PDE4D: variants seen among roughly 807,000 people sequenced by gnomAD.
The protein encoded by PDE4D is 3',5'-cyclic-AMP phosphodiesterase 4D.
In PDE4D, 24 loss-of-function variants were observed where a neutral mutation model predicts 87.4. The observed-to-expected ratio is 0.27, with a 90% CI of 0.20 to 0.39. PDE4D has a LOEUF of 0.39. Among genes scored for constraint, PDE4D ranks in the 10% least tolerant of loss-of-function variants. PDE4D has a pLI of 1.00. For missense variants in PDE4D, 714 were observed against 1,041.0 expected, an observed-to-expected ratio of 0.69 and a Z score of 4.32; for synonymous variants, 384 against 383.2, an observed-to-expected ratio of 1.00 and a Z score of -0.02.
chr5:59,762,205 CGT>C (rs1762065493), intron 1 of PDE4D, among the ~76,000 whole-genome samples: 1 of 115,074 alleles, frequency 8.7e-6, no homozygotes, highest in Non-Finnish European at 1.9e-5. Flanking sequence ...TACACATATG[CGT>C]ATATGTGTAT....
chr5:59,040,202 C>G (rs1412240525), intron 5 of PDE4D: 1 of 152,202 alleles, frequency 6.6e-6, no homozygotes, highest in Non-Finnish European at 1.5e-5. Context: ...CTTTTTCTAC[C>G]CAGCCCAGTC....
intron 1 of PDE4D, among the ~76,000 whole-genome samples, chr5:59,533,694 G>A (rs1426922676): frequency 6.6e-6 from 1 of 152,152 alleles, no homozygotes; most frequent in Non-Finnish European, 1.5e-5. Flanking sequence ...GTCACTTGGG[G>A]TCTTATTAGA....
chr5:59,761,488 T>C (rs1761960435), intron 1 of PDE4D, among the ~76,000 whole-genome samples: 1 of 152,172 alleles, frequency 6.6e-6, no homozygotes. Context: ...ACACTAACAT[T>C]ATACAGCTGC....
intron 1 of PDE4D, among the ~76,000 whole-genome samples, chr5:60,324,384 G>T (rs1387771222): frequency 6.6e-6 from 1 of 152,080 alleles, no homozygotes; most frequent in African/African-American, 2.4e-5. Flanking sequence ...TTATCCATAG[G>T]ACCCAGCACA....
intron 1 of PDE4D, among the ~76,000 whole-genome samples, chr5:60,418,138 T>C (rs954866645): frequency 6.6e-6 from 1 of 151,972 alleles, no homozygotes; most frequent in African/African-American, 2.4e-5. Context: ...CAAATATCTT[T>C]AGCTCCTCAA....
At chr5:59,352,866 G>A (rs1780744836) in intron 1 of PDE4D, among the ~76,000 whole-genome samples, 1 of 152,110 alleles carries the variant, frequency 6.6e-6, no homozygotes, top group African/African-American at 2.4e-5. Context: ...ATGCACATAT[G>A]TATTTAATTA....
At position 59,434,427 on chromosome 5, in the gene PDE4D, G is replaced by A. The variant is rs569673523; in HGVS notation, c.456-218459C>T. On this transcript the variant is annotated intron_variant, in intron 1 of 14. Coordinates refer to ENST00000340635, the MANE Select transcript of PDE4D (RefSeq NM_001104631.2). ...GACTCCTTCCCTCCCCAACCCTCGT[G>A]TTTTCTGCTCATACCTGGACTGGAG... 8.5e-5 allele frequency among the ~76,000 whole-genome samples: 13 copies of A among 152,076 alleles called. No individual in the cohort carries two copies. The South Asian group carries it at 2.7e-3, about 32-fold the overall frequency.
chr5:59,592,419 A>G (rs754884741), intron 1 of PDE4D, among the ~76,000 whole-genome samples: 12 of 152,162 alleles, frequency 7.9e-5, no homozygotes, highest in Non-Finnish European at 1.3e-4. Context: ...ATTTCTACAT[A>G]TTCTCATAAC....
intron 1 of PDE4D, among the ~76,000 whole-genome samples, chr5:59,750,945 CAAAAAA>C (rs34787047): frequency 1.0e-4 from 7 of 68,762 alleles, no homozygotes; most frequent in Non-Finnish European, 1.7e-4. Flanking sequence ...GACCCTGTCT[CAAAAAA>C]AAAAAAAAAA....
chr5:59,701,959 G>A (rs1307305235), intron 1 of PDE4D, among the ~76,000 whole-genome samples: 2 of 152,122 alleles, frequency 1.3e-5, no homozygotes, highest in East Asian at 3.8e-4. Flanking sequence ...TAACATAGAG[G>A]TCATGGCAAA....
chr5:59,532,561 C>G (rs772419005), intron 1 of PDE4D, among the ~76,000 whole-genome samples: 1 of 152,156 alleles, frequency 6.6e-6, no homozygotes, highest in African/African-American at 2.4e-5. Context: ...TCAATGTGAT[C>G]TGCACTGAAG....
intron 1 of PDE4D, among the ~76,000 whole-genome samples, chr5:59,684,159 C>A (rs1306680711): frequency 6.6e-6 from 1 of 152,158 alleles, no homozygotes; most frequent in Non-Finnish European, 1.5e-5. Flanking sequence ...AATGTCAAGT[C>A]CTGCTTTAAA....
intron 1 of PDE4D, among the ~76,000 whole-genome samples, chr5:59,771,474 A>AGAGAGAGAGAGAGAG (rs1491463938): frequency 5.4e-4 from 53 of 97,792 alleles, no homozygotes; most frequent in Non-Finnish European, 5.8e-4. Flanking sequence ...AGAAAGAAAG[A>AGAGAGAGAGAGAGAG]AAGAAAGAAA....
chr5:59,472,637 G>A (rs1802630084), intron 1 of PDE4D, among the ~76,000 whole-genome samples: 1 of 151,982 alleles, frequency 6.6e-6, no homozygotes, highest in African/African-American at 2.4e-5. Context: ...GGTCATATAA[G>A]TCTCTTTATA....
intron 5 of PDE4D, among the ~76,000 whole-genome samples, chr5:59,172,306 T>C (rs1320062072): frequency 4.5e-5 from 6 of 132,408 alleles, no homozygotes; most frequent in Admixed American, 4.3e-4. Flanking sequence ...AAGAAATATA[T>C]ATAATTTTAT....
chr5:60,412,165 A>C (rs1045635886), intron 1 of PDE4D, among the ~76,000 whole-genome samples: 11 of 152,162 alleles, frequency 7.2e-5, no homozygotes, highest in African/African-American at 2.7e-4. Flanking sequence ...GACTACAATT[A>C]TACGTGTCTT....
At chr5:59,983,854 T>C (rs1045368466) in intron 3 of PDE4D, among the ~76,000 whole-genome samples, 1 of 152,292 alleles carries the variant, frequency 6.6e-6, no homozygotes, top group Middle Eastern at 3.4e-3. Flanking sequence ...CCTGGGAATA[T>C]ACCCAAAAGA....
At chr5:59,743,126 G>A (rs1332234948) in intron 1 of PDE4D, among the ~76,000 whole-genome samples, 1 of 152,034 alleles carries the variant, frequency 6.6e-6, no homozygotes, top group African/African-American at 2.4e-5. Flanking sequence ...TGGGGTTTGG[G>A]AAGCTAAACA....
intron 1 of PDE4D, among the ~76,000 whole-genome samples, chr5:59,676,096 TATACACACAC>T: frequency 1.5e-5 from 2 of 137,432 alleles, no homozygotes; most frequent in South Asian, 2.3e-4. Flanking sequence ...TGTATATGTA[TATACACACAC>T]ACACACACAC....
Sources: gnomAD v4.1 joint callset for allele counts (sites outside exome capture counted in the v4.1 genomes callset) on GRCh38, gnomAD v4.1.1 for gene constraint, MANE v1.5 for transcripts, NCBI Gene and HGNC (gene_info 2026-07-23, HGNC 2026-07-21) for gene names.